The following AFF3 variants were observed in gnomAD, a reference collection of about 807,000 sequenced individuals.
The protein encoded by AFF3 is ALF transcription elongation factor 3, also known as AF4/FMR2 family member 3.
Under a neutral mutation model 129.7 loss-of-function variants are expected in AFF3, and 32 were observed. That is an observed-to-expected ratio of 0.25 (90% CI 0.19 to 0.33). AFF3 has a LOEUF of 0.33. Among genes scored for constraint, AFF3 ranks in the 10% least tolerant of loss-of-function variants. The pLI is 1.00. For missense variants in AFF3, 1,373 were observed against 1,592.0 expected, an observed-to-expected ratio of 0.86 and a Z score of 2.34; for synonymous variants, 644 against 635.4, an observed-to-expected ratio of 1.01 and a Z score of -0.20.
At chr2:100,128,027 G>A (rs1179400402) in intron 2 of AFF3, among the ~76,000 whole-genome samples, 3 of 152,022 alleles carry the variant, frequency 2.0e-5, no homozygotes, top group Admixed American at 6.6e-5. Context: ...ACCTCTGATC[G>A]TCCTCACTGC....
At chr2:99,803,077 T>A (rs1686078361) in intron 8 of AFF3, among the ~76,000 whole-genome samples, 1 of 152,186 alleles carries the variant, frequency 6.6e-6, no homozygotes, top group Non-Finnish European at 1.5e-5. Flanking sequence ...CCATTCAGTA[T>A]GTGTGGGTTT....
intron 7 of AFF3, among the ~76,000 whole-genome samples, chr2:99,906,026 A>G (rs185823809): frequency 8.8e-4 from 134 of 152,274 alleles, no homozygotes; most frequent in African/African-American, 3.1e-3. Context: ...CATAAAAGAA[A>G]CTTTCATAGG....
In AFF3 at chr2:99,936,692, C is replaced by T. The variant is rs113868470; in HGVS notation, c.873+69940G>A. On this transcript the variant is annotated intron_variant, in intron 7 of 24. Coordinates refer to ENST00000672756, the MANE Select transcript of AFF3 (RefSeq NM_001386135.1). The stretch of plus-strand genomic sequence containing the variant: ...GGTGCATTCATTTTGTCTGCAGACT[C>T]GGGCTCATGGGGAGAAATGACTGGA... Among the ~76,000 whole-genome samples, 129 of 152,290 alleles carry T rather than the reference C, an allele frequency of 8.5e-4. 3 individuals are homozygous for T. Among genetic ancestry groups the T allele is most frequent in the Non-Finnish European group, 8.1e-4 (55 of 68,014 alleles).
chr2:99,947,563 GAGAA>G (rs113896876), intron 7 of AFF3, among the ~76,000 whole-genome samples: 23,113 of 142,482 alleles, frequency 0.16, 2,334 homozygotes, highest in African/African-American at 0.27. Context: ...GAGAGAGAAA[GAGAA>G]AGAAAGAAAA....
rs1244215855 is a variant in AFF3 at position 99,548,008 on chromosome 2, T to G, written c.*3466A>C. ...AGTTTCCATTTGCAATTTGAATGTT[T>G]CCAGAAATCTCTGTCTTAACCAAAC... On this transcript the variant is annotated 3_prime_UTR_variant, in exon 25 of 25. Transcript: ENST00000672756. 4.7e-6 allele frequency: 1 copy of G among 211,904 alleles called. No homozygotes were observed. The highest frequency in any genetic ancestry group is 9.6e-6 in the Non-Finnish European group (1 of 104,300). 13.1% of individuals were successfully genotyped at this position (211,904 alleles called of 1,614,324 possible).
chr2:99,953,032 A>C (rs1444173644), intron 7 of AFF3, among the ~76,000 whole-genome samples: 1 of 152,262 alleles, frequency 6.6e-6, no homozygotes, highest in African/African-American at 2.4e-5. Context: ...AGTAAGCACC[A>C]AGTGCTAGTC....
intron 7 of AFF3, among the ~76,000 whole-genome samples, chr2:99,962,025 T>C (rs925285976): frequency 5.3e-5 from 8 of 152,134 alleles, no homozygotes; most frequent in Non-Finnish European, 7.4e-5. Context: ...TCTCCTTCCC[T>C]ACCAGGCCTC....
intron 7 of AFF3, among the ~76,000 whole-genome samples, chr2:99,857,722 ATAAT>A (rs1421568817): frequency 6.6e-6 from 1 of 152,174 alleles, no homozygotes; most frequent in African/African-American, 2.4e-5. Flanking sequence ...GGTCCTAAAA[ATAAT>A]TAATCATTCT....
intron 7 of AFF3, among the ~76,000 whole-genome samples, chr2:99,913,823 C>CA (rs200836186): frequency 1.3e-3 from 197 of 148,244 alleles, no homozygotes; most frequent in African/African-American, 4.1e-3. Context: ...GATAATTTGA[C>CA]AAAAAAAAAT....
At chr2:99,808,678 A>C (rs1314666439) in intron 8 of AFF3, among the ~76,000 whole-genome samples, 3 of 152,334 alleles carry the variant, frequency 2.0e-5, no homozygotes, top group South Asian at 2.1e-4. Context: ...AGAAAAAAAA[A>C]CAAGAAAGTA....
At chr2:99,877,719 A>G (rs1692406939) in intron 7 of AFF3, among the ~76,000 whole-genome samples, 1 of 152,248 alleles carries the variant, frequency 6.6e-6, no homozygotes, top group African/African-American at 2.4e-5. Flanking sequence ...AAAAATATAT[A>G]CTGCTTGTTT....
chr2:99,937,813 T>C (rs999457146), intron 7 of AFF3, among the ~76,000 whole-genome samples: 1 of 152,166 alleles, frequency 6.6e-6, no homozygotes, highest in African/African-American at 2.4e-5. Context: ...GAGAGGGTGG[T>C]TATAATTGGG....
At chr2:100,012,688 T>G (rs780894202) in intron 4 of AFF3, among the ~76,000 whole-genome samples, 1 of 152,182 alleles carries the variant, frequency 6.6e-6, no homozygotes, top group African/African-American at 2.4e-5. Context: ...ATTTGAGCAA[T>G]GTGAAGATCA....
chr2:99,918,776 C>A (rs1023089372), intron 7 of AFF3, among the ~76,000 whole-genome samples: 4 of 152,192 alleles, frequency 2.6e-5, no homozygotes, highest in African/African-American at 9.6e-5. Context: ...CAAATGCAAA[C>A]CTTTCATAGG....
chr2:99,916,091 C>T (rs1203344140), intron 7 of AFF3, among the ~76,000 whole-genome samples: 3 of 152,130 alleles, frequency 2.0e-5, no homozygotes, highest in Non-Finnish European at 4.4e-5. Flanking sequence ...GTTACTGTAG[C>T]CTGTGGCCAT....
At chr2:99,863,422 G>GA (rs533533134) in intron 7 of AFF3, among the ~76,000 whole-genome samples, 292 of 147,618 alleles carry the variant, frequency 2.0e-3, no homozygotes, top group African/African-American at 6.5e-3. Context: ...TCCTCTTTAA[G>GA]AAAAAAAAAA....
intron 7 of AFF3, among the ~76,000 whole-genome samples, chr2:99,870,640 T>C (rs1691803472): frequency 6.6e-6 from 1 of 152,228 alleles, no homozygotes; most frequent in Admixed American, 6.5e-5. Context: ...GCAGGCCCCC[T>C]GGCAGGCTGG....
At chr2:100,023,733 A>G (rs1485760190) in intron 4 of AFF3, among the ~76,000 whole-genome samples, 1 of 152,134 alleles carries the variant, frequency 6.6e-6, no homozygotes, top group African/African-American at 2.4e-5. Context: ...ACCAATCCAT[A>G]CATTGTGATC....
intron 4 of AFF3, among the ~76,000 whole-genome samples, chr2:100,048,911 C>T (rs968786048): frequency 2.0e-5 from 3 of 152,104 alleles, no homozygotes; most frequent in Admixed American, 1.3e-4. Context: ...AAAATCCCAC[C>T]TTAATATATA....
Sources: gnomAD v4.1 joint callset for allele counts (sites outside exome capture counted in the v4.1 genomes callset) on GRCh38, gnomAD v4.1.1 for gene constraint, MANE v1.5 for transcripts, NCBI Gene and HGNC (gene_info 2026-07-23, HGNC 2026-07-21) for gene names.